The following CHSY3 variants were observed in gnomAD, a reference collection of about 807,000 sequenced individuals.
CHSY3 encodes chondroitin sulfate synthase 3.
Under a neutral mutation model 67.2 loss-of-function variants are expected in CHSY3, and 35 were observed. The observed-to-expected ratio is 0.52, with a 90% CI of 0.40 to 0.69. The LOEUF is 0.69. Ranked by LOEUF, CHSY3 falls within the 30% of genes least tolerant of loss-of-function variation. The probability of loss-of-function intolerance (pLI) is 0.00; values close to 1 mark genes in which losing one functional copy is unlikely to be tolerated. For missense variants in CHSY3, 1,069 were observed against 1,138.5 expected (o/e 0.94, Z 0.88); for synonymous variants, 474 against 434.7 (o/e 1.09, Z -1.12).
At chr5:129,926,402 A>G (rs1243114915) in intron 2 of CHSY3, among the ~76,000 whole-genome samples, 1 of 151,942 alleles carries the variant, frequency 6.6e-6, no homozygotes, top group African/African-American at 2.4e-5. Flanking sequence ...ATGAACATAT[A>G]GTTTTATTTT....
At chr5:130,098,976 C>T (rs1178130736) in intron 2 of CHSY3, among the ~76,000 whole-genome samples, 1 of 152,102 alleles carries the variant, frequency 6.6e-6, no homozygotes, top group Non-Finnish European at 1.5e-5. Context: ...TGACTTGCAG[C>T]ACAACCCTAA....
chr5:130,095,436 C>T (rs974177449), intron 2 of CHSY3, among the ~76,000 whole-genome samples: 17 of 152,088 alleles, frequency 1.1e-4, no homozygotes, highest in African/African-American at 3.9e-4. Flanking sequence ...GTGAAAGGAG[C>T]ACAGAGCCAA....
chr5:129,948,478 C>T (rs1190457278), intron 2 of CHSY3, among the ~76,000 whole-genome samples: 2 of 152,178 alleles, frequency 1.3e-5, no homozygotes, highest in Non-Finnish European at 2.9e-5. Context: ...ATAATGGTCT[C>T]CAATTCCATC....
At chr5:129,936,146 GAAAT>G (rs1761480770) in intron 2 of CHSY3, among the ~76,000 whole-genome samples, 1 of 152,144 alleles carries the variant, frequency 6.6e-6, no homozygotes, top group Admixed American at 6.6e-5. Flanking sequence ...AGGATAAAAA[GAAAT>G]AACACTTCTA....
At chr5:130,093,831 A>G (rs970416468) in intron 2 of CHSY3, among the ~76,000 whole-genome samples, 4 of 152,118 alleles carry the variant, frequency 2.6e-5, no homozygotes, top group Admixed American at 2.6e-4. Flanking sequence ...AGAAACTGCT[A>G]TTTCAGCATA....
intron 2 of CHSY3, among the ~76,000 whole-genome samples, chr5:130,114,847 G>C (rs1767731758): frequency 6.6e-6 from 1 of 152,036 alleles, no homozygotes; most frequent in Non-Finnish European, 1.5e-5. Context: ...TCCCTTTCCT[G>C]GTACCTGTTT....
chr5:130,088,379 T>G (rs1344126139), intron 2 of CHSY3, among the ~76,000 whole-genome samples: 1 of 147,506 alleles, frequency 6.8e-6, no homozygotes, highest in Non-Finnish European at 1.5e-5. Context: ...AAACTAAAGA[T>G]CTAATTAAAC....
chr5:130,050,394 C>A (rs773690953), intron 2 of CHSY3, among the ~76,000 whole-genome samples: 1 of 151,980 alleles, frequency 6.6e-6, no homozygotes, highest in Non-Finnish European at 1.5e-5. Flanking sequence ...CATCATCTGG[C>A]AACTAGAACA....
chr5:130,102,745 T>G (rs943981044), intron 2 of CHSY3, among the ~76,000 whole-genome samples: 2 of 152,118 alleles, frequency 1.3e-5, no homozygotes, highest in African/African-American at 4.8e-5. Context: ...GAAATTTAAA[T>G]TCCTACATAT....
intron 2 of CHSY3, among the ~76,000 whole-genome samples, chr5:130,007,812 C>A (rs972122098): frequency 6.6e-6 from 1 of 152,116 alleles, no homozygotes. Flanking sequence ...GGCTATCTTG[C>A]CCATGGGATT....
At chr5:130,140,959 C>A in intron 2 of CHSY3, 2 of 811,196 alleles carry the variant, frequency 2.5e-6, no homozygotes, top group Non-Finnish European at 3.0e-6. Context: ...TGTTCCATGG[C>A]ACTCTAGACT....
intron 2 of CHSY3, among the ~76,000 whole-genome samples, chr5:130,053,791 G>A (rs1216679545): frequency 6.6e-6 from 1 of 152,086 alleles, no homozygotes; most frequent in Non-Finnish European, 1.5e-5. Context: ...TAGAAATCAT[G>A]AAAATAAAAG....
chr5:130,049,052 A>G (rs531943532), intron 2 of CHSY3, among the ~76,000 whole-genome samples: 18 of 152,142 alleles, frequency 1.2e-4, no homozygotes, highest in Non-Finnish European at 2.2e-4. Context: ...CTACTTTTCA[A>G]TCCTCTTCTT....
At chr5:130,082,830 T>C (rs567301514) in intron 2 of CHSY3, among the ~76,000 whole-genome samples, 1 of 151,890 alleles carries the variant, frequency 6.6e-6, no homozygotes, top group South Asian at 2.1e-4. Flanking sequence ...ACAGTAGTCC[T>C]CCTGAAATGT....
chr5:129,905,737 G>A, intron 1 of CHSY3, 106 bp downstream of exon 1: 1 of 1,525,492 alleles, frequency 6.6e-7, no homozygotes, highest in Non-Finnish European at 8.8e-7. Context: ...CTGCCAGCAC[G>A]TGCTTCGGGC....
intron 2 of CHSY3, among the ~76,000 whole-genome samples, chr5:129,975,460 T>G (rs1001262026): frequency 4.6e-5 from 7 of 152,116 alleles, no homozygotes; most frequent in Non-Finnish European, 7.4e-5. Flanking sequence ...GTCCTAATTT[T>G]TAATGTTAAT....
At chr5:130,182,981 T>G (rs1770295498) in intron 2 of CHSY3, among the ~76,000 whole-genome samples, 5 of 152,070 alleles carry the variant, frequency 3.3e-5, no homozygotes, top group Admixed American at 3.3e-4. Context: ...TTTTTTAAAT[T>G]TATGTACAAT....
intron 2 of CHSY3, among the ~76,000 whole-genome samples, chr5:129,996,715 G>T (rs1265843383): frequency 2.6e-5 from 4 of 151,980 alleles, no homozygotes; most frequent in Non-Finnish European, 4.4e-5. Flanking sequence ...TGACAAACAT[G>T]TAGCAATTCT....
chr5:130,074,861 G>C (rs1490372678), intron 2 of CHSY3, among the ~76,000 whole-genome samples: 1 of 151,800 alleles, frequency 6.6e-6, no homozygotes, highest in East Asian at 1.9e-4. Flanking sequence ...TAAACAGTTG[G>C]AGTTATATAA....
Sources: allele counts gnomAD v4.1 joint callset (sites outside exome capture counted in the v4.1 genomes callset), GRCh38; gene constraint gnomAD v4.1.1; transcripts MANE v1.5; gene names NCBI Gene and HGNC (gene_info 2026-07-23, HGNC 2026-07-21).